TMTC1: variants seen among roughly 807,000 people sequenced by gnomAD.
TMTC1 encodes protein O-mannosyl-transferase TMTC1.
A neutral mutation model predicts 104.8 loss-of-function variants in TMTC1; 73 were observed. The observed-to-expected ratio is 0.70, with a 90% CI of 0.58 to 0.85. The LOEUF (loss-of-function observed/expected upper bound fraction) is 0.85. Among genes scored for constraint, TMTC1 ranks in the 40% least tolerant of loss-of-function variants. The probability of loss-of-function intolerance (pLI) is 0.00; values close to 1 mark genes in which losing one functional copy is unlikely to be tolerated. For synonymous variants in TMTC1, 434 were observed against 428.7 expected, an observed-to-expected ratio of 1.01 and a Z score of -0.15; for missense variants, 1,035 against 1,096.1, an observed-to-expected ratio of 0.94 and a Z score of 0.79.
intron 5 of TMTC1, among the ~76,000 whole-genome samples, chr12:29,708,635 A>G (rs1394432713): frequency 6.6e-6 from 1 of 152,242 alleles, no homozygotes; most frequent in Non-Finnish European, 1.5e-5. Context: ...ACCCAAAGTC[A>G]ACACCAACTG....
At chr12:29,620,555 CAT>C (rs1947104768) in intron 6 of TMTC1, among the ~76,000 whole-genome samples, 2 of 152,174 alleles carry the variant, frequency 1.3e-5, no homozygotes, top group Admixed American at 1.3e-4. Flanking sequence ...AAAGCAATGA[CAT>C]AAAAGTATGT....
intron 6 of TMTC1, among the ~76,000 whole-genome samples, chr12:29,618,692 T>G (rs1467828198): frequency 6.6e-6 from 1 of 152,116 alleles, no homozygotes; most frequent in East Asian, 1.9e-4. Flanking sequence ...TACAGTCTCC[T>G]CTGTGTTTCC....
At chr12:29,514,657 C>T (rs1184305259) in intron 15 of TMTC1, 53 bp from the exon 16 acceptor site, 2 of 1,553,714 alleles carry the variant, frequency 1.3e-6, no homozygotes, top group African/African-American at 1.4e-5. Flanking sequence ...TAAAGAAAAA[C>T]TTATTTAACT....
intron 7 of TMTC1, among the ~76,000 whole-genome samples, chr12:29,588,332 T>C (rs1376142394): frequency 1.3e-5 from 2 of 152,218 alleles, no homozygotes; most frequent in Non-Finnish European, 2.9e-5. Flanking sequence ...GAGCTTTTTC[T>C]ATAAATCTTA....
At chr12:29,570,067 T>A (rs1462555015) in intron 9 of TMTC1, among the ~76,000 whole-genome samples, 1 of 152,222 alleles carries the variant, frequency 6.6e-6, no homozygotes, top group Non-Finnish European at 1.5e-5. Context: ...TAGTCTGTTA[T>A]AATAAAACCA....
At chr12:29,634,554 C>T (rs1411142188) in intron 5 of TMTC1, among the ~76,000 whole-genome samples, 1 of 152,252 alleles carries the variant, frequency 6.6e-6, no homozygotes, top group Non-Finnish European at 1.5e-5. Context: ...CCTTCCCCTA[C>T]TGTCAGTAGT....
intron 5 of TMTC1, among the ~76,000 whole-genome samples, chr12:29,634,785 T>C (rs1479487308): frequency 6.6e-6 from 1 of 152,228 alleles, no homozygotes; most frequent in African/African-American, 2.4e-5. Flanking sequence ...TGTCAGGTTC[T>C]TTTAGAGGGA....
intron 6 of TMTC1, among the ~76,000 whole-genome samples, chr12:29,624,418 A>G (rs186449715): frequency 1.3e-5 from 2 of 152,300 alleles, no homozygotes; most frequent in Non-Finnish European, 2.9e-5. Flanking sequence ...GCTTAAAAAG[A>G]TAGAGGTTTG....
At chr12:29,635,345 G>C (rs1053887549) in intron 5 of TMTC1, among the ~76,000 whole-genome samples, 8 of 152,134 alleles carry the variant, frequency 5.3e-5, no homozygotes, top group African/African-American at 1.9e-4. Context: ...GCCCACTAAA[G>C]GTTCTCTATG....
intron 5 of TMTC1, among the ~76,000 whole-genome samples, chr12:29,710,932 T>G (rs61925264): frequency 0.026 from 410 of 15,570 alleles, 5 homozygotes; most frequent in South Asian, 0.055. Flanking sequence ...TATAAATATA[T>G]TAATAATATA....
chr12:29,638,769 C>A (rs1263606471), intron 5 of TMTC1, among the ~76,000 whole-genome samples: 1 of 152,130 alleles, frequency 6.6e-6, no homozygotes, highest in African/African-American at 2.4e-5. Flanking sequence ...AAGAATCGAG[C>A]CACTCCCCCA....
intron 7 of TMTC1, among the ~76,000 whole-genome samples, chr12:29,596,088 C>T (rs1046650972): frequency 6.6e-6 from 1 of 152,014 alleles, no homozygotes; most frequent in Non-Finnish European, 1.5e-5. Flanking sequence ...CTCACTGCAA[C>T]CTCCATCTCC....
At chr12:29,540,383 C>G (rs984610220) in intron 10 of TMTC1, among the ~76,000 whole-genome samples, 4 of 152,100 alleles carry the variant, frequency 2.6e-5, no homozygotes, top group African/African-American at 9.7e-5. Context: ...AAATACTGAC[C>G]ACCATCATCC....
At chr12:29,636,519 A>C (rs886135920) in intron 5 of TMTC1, among the ~76,000 whole-genome samples, 1 of 152,176 alleles carries the variant, frequency 6.6e-6, no homozygotes, top group Admixed American at 6.5e-5. Flanking sequence ...ATAGTTATTT[A>C]CATGTTACCA....
intron 11 of TMTC1, among the ~76,000 whole-genome samples, chr12:29,521,394 C>T (rs1474695866): frequency 6.6e-6 from 1 of 152,092 alleles, no homozygotes; most frequent in Non-Finnish European, 1.5e-5. Context: ...TTATATGTCC[C>T]CTCAAGGGTG....
intron 1 of TMTC1, among the ~76,000 whole-genome samples, chr12:29,778,306 C>CT (rs150614717): frequency 0.011 from 1,607 of 152,332 alleles, 40 homozygotes; most frequent in African/African-American, 0.036. Context: ...TTGAAGCAGA[C>CT]TTCCACCTGC....
intron 6 of TMTC1, among the ~76,000 whole-genome samples, chr12:29,629,661 T>C (rs1192905335): frequency 6.6e-6 from 1 of 152,100 alleles, no homozygotes; most frequent in African/African-American, 2.4e-5. Flanking sequence ...TATCAGGGGA[T>C]GGAGGAGGGG....
Position 29,514,591 on chromosome 12 carries a change from A to G in TMTC1, c.2321T>C (p.Ile774Thr). The stretch of plus-strand genomic sequence containing the variant: ...TGGTTTCAGCTGGAGAGCCTTGTCT[A>G]TAGCATCAAGTGCCTGCAGAGGTTG... ...QENHDKALDA[I>T]DKALQLKPKD... Residue 774 changes from isoleucine (I) to threonine (T), a missense_variant, in exon 16 of 18, where the codon ATA becomes ACA. Coordinates refer to ENST00000539277, the MANE Select transcript of TMTC1 (RefSeq NM_001193451.2). 1 of 1,613,068 alleles carries G rather than the reference A, an allele frequency of 6.2e-7. No homozygotes were observed.
chr12:29,624,526 C>T (rs1471860397), intron 6 of TMTC1, among the ~76,000 whole-genome samples: 3 of 152,188 alleles, frequency 2.0e-5, no homozygotes, highest in Middle Eastern at 3.2e-3. Context: ...GCCCACTTGG[C>T]TCCAGCCATC....
Sources: allele counts gnomAD v4.1 joint callset (sites outside exome capture counted in the v4.1 genomes callset), GRCh38; gene constraint gnomAD v4.1.1; transcripts MANE v1.5; gene names NCBI Gene and HGNC (gene_info 2026-07-23, HGNC 2026-07-21).